The following ETFA variants were observed in gnomAD, a reference collection of about 807,000 sequenced individuals.
ETFA encodes the protein electron transfer flavoprotein subunit alpha, mitochondrial.
Under a neutral mutation model 46.2 loss-of-function variants are expected in ETFA, and 22 were observed. The observed-to-expected ratio is 0.48, with a 90% confidence interval of 0.34 to 0.68. The LOEUF is 0.68. ETFA is among the 30% of genes least tolerant of loss of function. The pLI, the probability that ETFA is intolerant of heterozygous loss-of-function variation, is 0.01. For missense variants in ETFA, 345 were observed against 401.1 expected (o/e 0.86, Z 1.19); for synonymous variants, 131 against 139.9 (o/e 0.94, Z 0.45).
chr15:76,304,661 CAAAAAAA>C (rs796277864), intron 1 of ETFA, among the ~76,000 whole-genome samples: 2 of 87,116 alleles, frequency 2.3e-5, no homozygotes, highest in Admixed American at 1.4e-4. Context: ...GACTCTATTT[CAAAAAAA>C]AAAAAAAAAA....
intron 9 of ETFA, among the ~76,000 whole-genome samples, chr15:76,251,142 A>G (rs1175389115): frequency 6.6e-6 from 1 of 152,158 alleles, no homozygotes; most frequent in Non-Finnish European, 1.5e-5. Context: ...CTGGGCAGAT[A>G]AAGGGTTTTC....
chr15:76,267,254 A>G (rs2039478714), intron 9 of ETFA, among the ~76,000 whole-genome samples: 1 of 152,210 alleles, frequency 6.6e-6, no homozygotes, highest in Non-Finnish European at 1.5e-5. Context: ...CTACCTCACA[A>G]TACAACCAAA....
intron 11 of ETFA, among the ~76,000 whole-genome samples, chr15:76,218,571 C>G (rs2038922792): frequency 1.3e-5 from 2 of 152,098 alleles, no homozygotes; most frequent in Admixed American, 6.5e-5. Context: ...GCACCCAGCC[C>G]AACTGCACAC....
chr15:76,311,377 C>G lies in ETFA; in HGVS notation c.12G>C (p.Ala4=). The G allele has an allele frequency of 6.4e-7, 1 of 1,564,016 alleles. No homozygotes were observed. The highest frequency in any genetic ancestry group is 8.7e-7 in the Non-Finnish European group (1 of 1,155,170). The change falls in exon 1 of 12, where the codon GCG becomes GCC. Residue 4 remains alanine, a synonymous_variant. Coordinates refer to ENST00000557943, the MANE Select transcript of ETFA (RefSeq NM_000126.4). MFR[A]AAPGQLRRAA... Reference sequence around the variant, plus strand: ...CCCGCCGGAGCTGCCCCGGAGCCGCCGCTCGGAACATGGTCTCCGCTTCCG... The same window carrying G: ...CCCGCCGGAGCTGCCCCGGAGCCGCGGCTCGGAACATGGTCTCCGCTTCCG...
intron 9 of ETFA, among the ~76,000 whole-genome samples, chr15:76,258,521 T>A (rs766916181): frequency 2.0e-5 from 3 of 152,188 alleles, no homozygotes; most frequent in Non-Finnish European, 4.4e-5. Flanking sequence ...GAACATCTCT[T>A]TGTGACTTGG....
At position 76,285,148 on chromosome 15, in the gene ETFA, G is replaced by A. The variant is rs190041971; in HGVS notation, c.664+489C>T. Among the ~76,000 whole-genome samples the A allele has an allele frequency of 3.5e-3, 539 of 152,220 alleles. 6 individuals are homozygous for A. The highest frequency in any genetic ancestry group is 0.016 in the Admixed American group (242 of 15,280). On this transcript the variant is annotated intron_variant, in intron 7 of 11. Transcript: ENST00000557943. ...TGTTTTTAAAGACAAGGAGCATGAT[G>A]TATAAAAATAAGCATGTCTTATGCA...
intron 1 of ETFA, among the ~76,000 whole-genome samples, chr15:76,304,492 T>C (rs557165713): frequency 6.6e-6 from 1 of 152,096 alleles, no homozygotes; most frequent in Admixed American, 6.5e-5. Context: ...ACCCTGTTTC[T>C]ATGAAAGATA....
intron 9 of ETFA, among the ~76,000 whole-genome samples, chr15:76,240,209 T>C (rs1310543565): frequency 1.3e-5 from 2 of 152,220 alleles, no homozygotes; most frequent in African/African-American, 4.8e-5. Flanking sequence ...AGAAAATGCA[T>C]TTGGAAGAAA....
Position 76,277,851 on chromosome 15 carries a change from T to C in ETFA, c.734-3357A>G, listed in dbSNP as rs190038537. ...CCTCCAACAATTCATCAACAAGACTTCAAGTCCCCCTACCCCACCACCAGC... is the reference window on the plus strand; with the variant it reads ...CCTCCAACAATTCATCAACAAGACTCCAAGTCCCCCTACCCCACCACCAGC... On this transcript the variant is annotated intron_variant, in intron 8 of 11. Transcript: ENST00000557943. Among the ~76,000 whole-genome samples the C allele has an allele frequency of 2.7e-4, 41 of 152,140 alleles. 1 individual carries two copies. Among genetic ancestry groups the C allele is most frequent in the Non-Finnish European group, 5.7e-4 (39 of 68,028 alleles).
In ETFA at chr15:76,306,838, A is replaced by G. The variant is rs139165176; in HGVS notation, c.39+4512T>C. 7.3e-3 allele frequency among the ~76,000 whole-genome samples: 1,106 copies of G among 152,356 alleles called. 17 individuals carry two copies. The highest frequency in any genetic ancestry group is 0.025 in the African/African-American group (1,052 of 41,582). On this transcript the variant is annotated intron_variant, in intron 1 of 11. Coordinates refer to ENST00000557943, the MANE Select transcript of ETFA (RefSeq NM_000126.4). The stretch of plus-strand genomic sequence containing the variant: ...AATTTACTTCACTTTAAGAAAGGAC[A>G]AGACTCTTAGTAGACACATTGGCAG...
chr15:76,271,912 TATAC>T (rs974713513), intron 9 of ETFA, among the ~76,000 whole-genome samples: 1 of 121,788 alleles, frequency 8.2e-6, no homozygotes, highest in African/African-American at 3.6e-5. Flanking sequence ...TGTGTGTGTA[TATAC>T]ACACACACAC....
intron 9 of ETFA, among the ~76,000 whole-genome samples, chr15:76,266,674 CG>C (rs1462136231): frequency 2.6e-5 from 4 of 152,074 alleles, no homozygotes; most frequent in African/African-American, 9.7e-5. Flanking sequence ...GAGGCCAAGG[CG>C]GGTGGCTCAT....
At chr15:76,228,313 T>C in intron 10 of ETFA, 3 of 290,732 alleles carry the variant, frequency 1.0e-5, no homozygotes, top group South Asian at 1.0e-4. Context: ...GCCTCCTGAG[T>C]AGCTGGGACC....
chr15:76,290,333 C>CTTTTTTTT (rs10682432), intron 4 of ETFA, among the ~76,000 whole-genome samples: 1,882 of 96,978 alleles, frequency 0.019, 61 homozygotes, highest in Non-Finnish European at 0.029. Flanking sequence ...AGTCGCTACT[C>CTTTTTTTT]TTTTTTTTTT....
chr15:76,228,302 A>G (rs982317921), intron 10 of ETFA: 3 of 297,226 alleles, frequency 1.0e-5, no homozygotes, highest in East Asian at 1.8e-4. Context: ...CTCCCACCTC[A>G]GCCTCCTGAG....
At chr15:76,241,526 C>T (rs932742378) in intron 9 of ETFA, among the ~76,000 whole-genome samples, 10 of 150,736 alleles carry the variant, frequency 6.6e-5, no homozygotes, top group Middle Eastern at 3.4e-3. Flanking sequence ...TTTGGCTGGG[C>T]GCAGTGGCTC....
intron 10 of ETFA, among the ~76,000 whole-genome samples, chr15:76,227,387 C>T (rs528283897): frequency 2.5e-4 from 38 of 151,748 alleles, no homozygotes; most frequent in African/African-American, 5.3e-4. Flanking sequence ...TGTGGTGGTG[C>T]GCACCTGTAC....
chr15:76,255,908 G>T lies in ETFA; in HGVS notation c.816+18504C>A, dbSNP rs375194461. 2.3e-3 allele frequency among the ~76,000 whole-genome samples: 348 copies of T among 150,710 alleles called. 3 individuals carry two copies. Among genetic ancestry groups the T allele is most frequent in the African/African-American group, 7.6e-3 (312 of 41,208 alleles). On this transcript the variant is annotated intron_variant, in intron 9 of 11. Coordinates refer to ENST00000557943, the MANE Select transcript of ETFA (RefSeq NM_000126.4). ...CATGGCCACATACTCACAGTTTTTT[G>T]TTGTTTTTTTTTTTTAAAGCCACTT...
At chr15:76,295,781 A>G in intron 1 of ETFA, 44 bp from the exon 2 acceptor site, 3 of 1,503,646 alleles carry the variant, frequency 2.0e-6, no homozygotes, top group Non-Finnish European at 2.7e-6. Context: ...GAATGTTGTC[A>G]CAGGGTTTTT....
Sources: allele counts gnomAD v4.1 joint callset (sites outside exome capture counted in the v4.1 genomes callset), GRCh38; gene constraint gnomAD v4.1.1; transcripts MANE v1.5; gene names NCBI Gene and HGNC (gene_info 2026-07-23, HGNC 2026-07-21).